KLHL32: variants seen among roughly 807,000 people sequenced by gnomAD.
The protein encoded by KLHL32 is kelch like family member 32, also known as kelch-like protein 32.
KLHL32 carries 35 observed loss-of-function variants against 64.8 expected under a neutral mutation model. That is an observed-to-expected ratio of 0.54 (90% CI 0.41 to 0.72). The LOEUF is 0.72. KLHL32 is among the 30% of genes least tolerant of loss of function. The pLI is 0.00. For synonymous variants in KLHL32, 259 were observed against 281.0 expected (o/e 0.92, Z 0.78); for missense variants, 589 against 768.5 (o/e 0.77, Z 2.76).
intron 1 of KLHL32, among the ~76,000 whole-genome samples, chr6:96,956,947 A>G (rs1773349257): frequency 6.6e-6 from 1 of 152,218 alleles, no homozygotes; most frequent in African/African-American, 2.4e-5. Flanking sequence ...AATTTTAGAC[A>G]TTATAAATGA....
At chr6:97,125,014 A>T (rs1480012213) in intron 7 of KLHL32, among the ~76,000 whole-genome samples, 1 of 152,202 alleles carries the variant, frequency 6.6e-6, no homozygotes, top group Non-Finnish European at 1.5e-5. Flanking sequence ...TTCATTTTTA[A>T]AATGAGATAT....
chr6:97,095,674 C>A (rs938960876), intron 6 of KLHL32, among the ~76,000 whole-genome samples: 26 of 152,156 alleles, frequency 1.7e-4, no homozygotes, highest in African/African-American at 5.8e-4. Flanking sequence ...GAGAACTAAA[C>A]CCTCAGGAGA....
intron 4 of KLHL32, among the ~76,000 whole-genome samples, chr6:97,051,189 A>C (rs1213665196): frequency 1.3e-5 from 2 of 152,194 alleles, no homozygotes; most frequent in Non-Finnish European, 2.9e-5. Flanking sequence ...GATAATATAG[A>C]TGACAAGGAT....
At chr6:96,976,586 T>TTTTTG (rs61697349) in intron 3 of KLHL32, among the ~76,000 whole-genome samples, 7 of 151,830 alleles carry the variant, frequency 4.6e-5, no homozygotes, top group Non-Finnish European at 8.8e-5. Context: ...TATATATATA[T>TTTTTG]TTTTGTTTTG....
At chr6:97,007,989 A>G (rs1933468) in intron 3 of KLHL32, among the ~76,000 whole-genome samples, 13,128 of 152,244 alleles carry the variant, frequency 0.086, 1,202 homozygotes, top group Admixed American at 0.22. Flanking sequence ...AGCAATGCTC[A>G]GTGTGTATGT....
chr6:97,133,800 G>A (rs1404235929), intron 10 of KLHL32, among the ~76,000 whole-genome samples: 1 of 152,068 alleles, frequency 6.6e-6, no homozygotes, highest in African/African-American at 2.4e-5. Flanking sequence ...AGGTAGATAT[G>A]GAAAATATAA....
chr6:96,967,788 C>T (rs1774629949), intron 2 of KLHL32, among the ~76,000 whole-genome samples: 1 of 152,078 alleles, frequency 6.6e-6, no homozygotes, highest in Admixed American at 6.5e-5. Flanking sequence ...AGGAAAAGTA[C>T]AGGATAGATA....
At chr6:97,090,783 T>C (rs1400882505) in intron 6 of KLHL32, among the ~76,000 whole-genome samples, 1 of 152,238 alleles carries the variant, frequency 6.6e-6, no homozygotes. Context: ...AGGTTACATA[T>C]CTAGGAATCA....
At chr6:97,059,688 T>TA (rs35903096) in intron 4 of KLHL32, among the ~76,000 whole-genome samples, 1 of 147,576 alleles carries the variant, frequency 6.8e-6, no homozygotes, top group African/African-American at 2.7e-5. Context: ...GTTTTGAAAC[T>TA]AAAACTAGAT....
Position 96,999,857 on chromosome 6 carries a change from C to T in KLHL32, c.204+23680C>T, listed in dbSNP as rs1016874988. Among the ~76,000 whole-genome samples the T allele has an allele frequency of 3.9e-5, 6 of 152,162 alleles. No individual in the cohort carries two copies. The South Asian group carries it at 6.2e-4, about 16-fold the overall frequency. On this transcript the variant is annotated intron_variant, in intron 3 of 10. Transcript: ENST00000369261. Reference sequence around the variant, plus strand: ...CTCAATTTCATAGACATTTACCGAGCGTCTACTACATGCAAAAAAGTTTGT... The same window carrying T: ...CTCAATTTCATAGACATTTACCGAGTGTCTACTACATGCAAAAAAGTTTGT...
intron 1 of KLHL32, among the ~76,000 whole-genome samples, chr6:96,965,768 C>T (rs894925485): frequency 7.9e-5 from 12 of 152,222 alleles, no homozygotes; most frequent in African/African-American, 2.6e-4. Flanking sequence ...CCGTGCTGCT[C>T]AGTCATAATG....
intron 6 of KLHL32, among the ~76,000 whole-genome samples, chr6:97,099,457 T>C (rs1795412128): frequency 6.6e-6 from 1 of 152,080 alleles, no homozygotes; most frequent in East Asian, 2.0e-4. Flanking sequence ...TCCTGTGTTC[T>C]TTCATTCGAC....
intron 3 of KLHL32, among the ~76,000 whole-genome samples, chr6:96,992,173 C>G (rs924406938): frequency 1.3e-5 from 2 of 152,236 alleles, no homozygotes; most frequent in Non-Finnish European, 2.9e-5. Context: ...GGAGCCTGAC[C>G]TCTCTTGTTG....
intron 1 of KLHL32, among the ~76,000 whole-genome samples, chr6:96,952,407 C>T (rs2128012185): frequency 6.6e-6 from 1 of 152,218 alleles, no homozygotes; most frequent in South Asian, 2.1e-4. Flanking sequence ...TTGAAACTGC[C>T]TTTGTAAAGA....
chr6:97,050,104 T>C (rs1199388677), intron 4 of KLHL32, among the ~76,000 whole-genome samples: 1 of 152,230 alleles, frequency 6.6e-6, no homozygotes, highest in Non-Finnish European at 1.5e-5. Context: ...AGCAGATTCA[T>C]GTCTAAAATG....
At chr6:96,983,712 G>A (rs186896298) in intron 3 of KLHL32, among the ~76,000 whole-genome samples, 50 of 151,784 alleles carry the variant, frequency 3.3e-4, no homozygotes, top group Admixed American at 1.3e-3. Context: ...GTATTTCTGT[G>A]GGATCGGTGG....
intron 1 of KLHL32, among the ~76,000 whole-genome samples, chr6:96,953,636 A>T (rs1352335304): frequency 6.6e-6 from 1 of 152,104 alleles, no homozygotes; most frequent in Non-Finnish European, 1.5e-5. Flanking sequence ...TCTCAAAAAA[A>T]AAAAAGAAAA....
intron 1 of KLHL32, among the ~76,000 whole-genome samples, chr6:96,958,943 A>C (rs56689990): frequency 6.6e-6 from 1 of 152,142 alleles, no homozygotes; most frequent in Admixed American, 6.5e-5. Flanking sequence ...GTGCGTCTAC[A>C]CTTTGGACCC....
At chr6:96,949,671 A>G (rs556100798) in intron 1 of KLHL32, among the ~76,000 whole-genome samples, 4 of 152,292 alleles carry the variant, frequency 2.6e-5, no homozygotes, top group African/African-American at 7.2e-5. Flanking sequence ...ATATCTTCAG[A>G]GTTCCCTGGT....
Sources: gnomAD v4.1 joint callset for allele counts (sites outside exome capture counted in the v4.1 genomes callset) on GRCh38, gnomAD v4.1.1 for gene constraint, MANE v1.5 for transcripts, NCBI Gene and HGNC (gene_info 2026-07-23, HGNC 2026-07-21) for gene names.